LRRC37A2: variants seen among roughly 807,000 people sequenced by gnomAD.
The protein encoded by LRRC37A2 is leucine-rich repeat-containing protein 37A2.
In LRRC37A2, 9 loss-of-function variants were observed where a neutral mutation model predicts 68.8. The ratio of observed to expected loss-of-function variants is 0.13; its 90% CI spans 0.08 to 0.23. The LOEUF is 0.23. Among genes scored for constraint, LRRC37A2 ranks in the 10% least tolerant of loss-of-function variants. LRRC37A2 has a pLI of 1.00. For missense variants in LRRC37A2, 168 were observed against 950.4 expected (o/e 0.18, Z 10.82); for synonymous variants, 63 against 367.6 (o/e 0.17, Z 9.48).
the LRRC37A2 span, among the ~76,000 whole-genome samples, chr17:46,761,139 C>T: frequency 3.3e-5 from 5 of 152,240 alleles, no homozygotes; most frequent in Admixed American, 6.5e-5. Flanking sequence ...GTGTCCGATT[C>T]GTTGTATGGC....
the LRRC37A2 span, among the ~76,000 whole-genome samples, chr17:46,999,225 G>A: frequency 3.3e-5 from 5 of 152,222 alleles, no homozygotes; most frequent in Middle Eastern, 3.2e-3. Context: ...CCTCCTACCA[G>A]CTCTGTGACT....
At chr17:46,406,084 T>C in the LRRC37A2 span, among the ~76,000 whole-genome samples, 1 of 71,686 alleles carries the variant, frequency 1.4e-5, no homozygotes, top group African/African-American at 5.7e-5. Context: ...TTTCATAATA[T>C]ACTTTTGATA....
the LRRC37A2 span, among the ~76,000 whole-genome samples, chr17:46,895,015 C>T: frequency 5.9e-5 from 9 of 152,200 alleles, no homozygotes; most frequent in Non-Finnish European, 1.3e-4. Context: ...ACTGGAGAGC[C>T]GGCCGGATCT....
At chr17:46,777,059 G>A in the LRRC37A2 span, among the ~76,000 whole-genome samples, 2 of 152,114 alleles carry the variant, frequency 1.3e-5, no homozygotes, top group African/African-American at 2.4e-5. Flanking sequence ...GAAAAACAGA[G>A]GCCGACCATG....
At chr17:46,901,509 C>T in the LRRC37A2 span, among the ~76,000 whole-genome samples, 2 of 152,164 alleles carry the variant, frequency 1.3e-5, no homozygotes, top group Non-Finnish European at 2.9e-5. Context: ...GGAGCTGGGG[C>T]AGCCAGGGAG....
At chr17:46,558,650 C>G (rs1287168276), downstream of LRRC37A2, among the ~76,000 whole-genome samples, 1 of 128,794 alleles carries the variant, frequency 7.8e-6, no homozygotes, top group Non-Finnish European at 1.6e-5. Flanking sequence ...CTTGGCCTCC[C>G]AAAGTGCTGG....
the LRRC37A2 span, among the ~76,000 whole-genome samples, chr17:46,848,963 C>A: frequency 6.8e-6 from 1 of 147,648 alleles, no homozygotes; most frequent in Non-Finnish European, 1.5e-5. Context: ...GCTTGGTACA[C>A]AGGAGCTGCT....
the LRRC37A2 span, among the ~76,000 whole-genome samples, chr17:46,928,743 A>G: frequency 0.62 from 94,532 of 151,938 alleles, 29,678 homozygotes; most frequent in Middle Eastern, 0.68. Flanking sequence ...CCTCTCCCCC[A>G]ACCCGATTCC....
the LRRC37A2 span, among the ~76,000 whole-genome samples, chr17:46,737,660 A>G: frequency 6.6e-6 from 1 of 151,704 alleles, no homozygotes; most frequent in Non-Finnish European, 1.5e-5. Context: ...GGGTGGGAGA[A>G]AGATGTGAAA....
the LRRC37A2 span, chr17:47,033,377 C>A: frequency 3.4e-5 from 24 of 698,820 alleles, no homozygotes; most frequent in Non-Finnish European, 2.6e-5. Flanking sequence ...GTGTGGCTCA[C>A]GAACCTATGT....
At chr17:46,949,780 G>A in the LRRC37A2 span, among the ~76,000 whole-genome samples, 12 of 152,186 alleles carry the variant, frequency 7.9e-5, no homozygotes, top group Non-Finnish European at 1.6e-4. Context: ...CTGGGCGGAC[G>A]GTCTCAGCAG....
chr17:46,551,312 C>T (rs1282226242), intron 11 of LRRC37A2, among the ~76,000 whole-genome samples: 2 of 150,228 alleles, frequency 1.3e-5, no homozygotes, highest in Non-Finnish European at 2.9e-5. Context: ...CTTTTCCCAA[C>T]AGGCCAGTGC....
chr17:46,793,355 C>G, the LRRC37A2 span, among the ~76,000 whole-genome samples: 1 of 147,950 alleles, frequency 6.8e-6, no homozygotes, highest in Non-Finnish European at 1.5e-5. Flanking sequence ...TCATGGAAGG[C>G]TAAGGAGAAA....
At chr17:46,741,860 A>G in the LRRC37A2 span, among the ~76,000 whole-genome samples, 2 of 152,160 alleles carry the variant, frequency 1.3e-5, no homozygotes, top group African/African-American at 4.8e-5. Flanking sequence ...TCCGCCTCCC[A>G]GGTTCAAGCG....
At chr17:46,707,353 C>CT in the LRRC37A2 span, among the ~76,000 whole-genome samples, 1 of 152,096 alleles carries the variant, frequency 6.6e-6, no homozygotes, top group African/African-American at 2.4e-5. Context: ...TTTATATACT[C>CT]TTTTTTTCTC....
the LRRC37A2 span, among the ~76,000 whole-genome samples, chr17:46,802,893 G>A: frequency 6.6e-6 from 1 of 152,208 alleles, no homozygotes; most frequent in East Asian, 1.9e-4. Context: ...TGTGTTCTGC[G>A]AGCCACTCTA....
At chr17:47,034,611 G>C in the LRRC37A2 span, among the ~76,000 whole-genome samples, 1 of 151,862 alleles carries the variant, frequency 6.6e-6, no homozygotes, top group African/African-American at 2.4e-5. Flanking sequence ...TAGAAACAGG[G>C]TCTCACTTTG....
chr17:46,866,582 G>A, the LRRC37A2 span, among the ~76,000 whole-genome samples: 2 of 152,084 alleles, frequency 1.3e-5, no homozygotes, highest in African/African-American at 2.4e-5. Flanking sequence ...GCCTTGCAGC[G>A]GAAGCCTGTT....
chr17:46,978,756 G>A, the LRRC37A2 span: 2 of 1,612,728 alleles, frequency 1.2e-6, no homozygotes, highest in East Asian at 2.2e-5. Context: ...CCAGGAAGAA[G>A]ACGCCGAAGA....
Sources: allele counts gnomAD v4.1 joint callset (sites outside exome capture counted in the v4.1 genomes callset), GRCh38; gene constraint gnomAD v4.1.1; transcripts MANE v1.5; gene names NCBI Gene and HGNC (gene_info 2026-07-23, HGNC 2026-07-21).